TMEM132C: variants seen among roughly 807,000 people sequenced by gnomAD.
TMEM132C encodes transmembrane protein 132C, also known as protein phosphatase 1, regulatory subunit 152.
TMEM132C carries 29 observed loss-of-function variants against 61.4 expected under a neutral mutation model. The observed-to-expected ratio is 0.47, with a 90% CI of 0.35 to 0.64. The LOEUF (loss-of-function observed/expected upper bound fraction) is 0.64, where lower values mean the gene tolerates loss of function less well. TMEM132C is among the 30% of genes least tolerant of loss of function. The probability of loss-of-function intolerance (pLI) is 0.00; values close to 1 mark genes in which losing one functional copy is unlikely to be tolerated. For missense variants in TMEM132C, 1,408 were observed against 1,476.9 expected (o/e 0.95, Z 0.76); for synonymous variants, 656 against 633.1 (o/e 1.04, Z -0.54).
intron 4 of TMEM132C, among the ~76,000 whole-genome samples, chr12:128,644,881 C>T (rs1566000811): frequency 6.6e-6 from 1 of 152,114 alleles, no homozygotes; most frequent in Non-Finnish European, 1.5e-5. Context: ...TTTGCTGGGA[C>T]GCGTTGTGCT....
At chr12:128,603,285 T>C (rs1876269177) in intron 3 of TMEM132C, among the ~76,000 whole-genome samples, 2 of 152,186 alleles carry the variant, frequency 1.3e-5, no homozygotes, top group African/African-American at 4.8e-5. Flanking sequence ...GATGCTCCTC[T>C]TGATGGACAG....
rs544102167 is a variant in TMEM132C at position 128,647,441 on chromosome 12, G to A, written c.1306-21976G>A. ...AGTGTGTTTACTAGCCCCTATCAGC[G>A]TTGGATGTGAGTTTACTAGAGTCCA... On this transcript the variant is annotated intron_variant, in intron 4 of 8. Transcript: ENST00000435159. Among the ~76,000 whole-genome samples the A allele has an allele frequency of 9.9e-5, 15 of 151,730 alleles. No individual in the cohort carries two copies. The South Asian group carries it at 1.5e-3, about 15-fold the overall frequency.
chr12:128,349,783 T>C (rs920305186), intron 1 of TMEM132C, among the ~76,000 whole-genome samples: 2 of 152,168 alleles, frequency 1.3e-5, no homozygotes, highest in South Asian at 2.1e-4. Context: ...ACCTGATCCA[T>C]TGGAAAAAAT....
intron 3 of TMEM132C, among the ~76,000 whole-genome samples, chr12:128,550,424 T>C (rs1313161580): frequency 6.6e-6 from 1 of 151,972 alleles, no homozygotes; most frequent in Non-Finnish European, 1.5e-5. Flanking sequence ...TCTCAAGCGA[T>C]CCGCCAAGTA....
At chr12:128,487,028 T>G (rs955075095) in intron 2 of TMEM132C, among the ~76,000 whole-genome samples, 19 of 152,102 alleles carry the variant, frequency 1.2e-4, no homozygotes, top group African/African-American at 4.6e-4. Context: ...TCTAGAAACT[T>G]ACTAGCTCAG....
chr12:128,673,775 A>G (rs1954557647), intron 5 of TMEM132C, among the ~76,000 whole-genome samples: 2 of 152,226 alleles, frequency 1.3e-5, no homozygotes, highest in African/African-American at 4.8e-5. Flanking sequence ...TTCTTAGTAA[A>G]GTGAGGATAA....
chr12:128,544,158 G>A (rs964032853), intron 3 of TMEM132C, 55 bp downstream of exon 3: 19 of 1,455,178 alleles, frequency 1.3e-5, no homozygotes, highest in East Asian at 2.6e-5. Context: ...GGCCCAGGCC[G>A]GCTGGTGCGT....
chr12:128,615,841 G>A (rs1286431017), intron 3 of TMEM132C, among the ~76,000 whole-genome samples: 1 of 152,204 alleles, frequency 6.6e-6, no homozygotes, highest in Non-Finnish European at 1.5e-5. Context: ...TACTGCAGGT[G>A]TGAGATAAAC....
In TMEM132C at chr12:128,570,126, G is replaced by A. The variant is rs184363200; in HGVS notation, c.1121+26023G>A. Among the ~76,000 whole-genome samples the A allele has an allele frequency of 7.8e-4, 118 of 152,134 alleles. No individual in the cohort carries two copies. Among genetic ancestry groups the A allele is most frequent in the Middle Eastern group, 6.8e-3 (2 of 294 alleles). On this transcript the variant is annotated intron_variant, in intron 3 of 8. Transcript: ENST00000435159. This position sits in a 1 kb window ranked among gnomAD's most constrained non-coding sequence, Gnocchi z 4.7. ...TGAATACAACTGGGGTTATCTTCTC[G>A]TCTTAGGCTCCTTAGCACCAGAGAG...
At chr12:128,679,870 A>T (rs1220834434) in intron 5 of TMEM132C, among the ~76,000 whole-genome samples, 2 of 152,166 alleles carry the variant, frequency 1.3e-5, no homozygotes, top group African/African-American at 4.8e-5. Context: ...CGAGGAGAGG[A>T]TTCACAGGGC....
chr12:128,684,937 C>T (rs1420908343), intron 5 of TMEM132C, among the ~76,000 whole-genome samples: 4 of 152,122 alleles, frequency 2.6e-5, no homozygotes, highest in African/African-American at 4.8e-5. Flanking sequence ...CAGGAGATGC[C>T]AGATGTTCTC....
At chr12:128,412,634 T>A (rs1174749134) in intron 1 of TMEM132C, among the ~76,000 whole-genome samples, 1 of 152,218 alleles carries the variant, frequency 6.6e-6, no homozygotes, top group Non-Finnish European at 1.5e-5. Flanking sequence ...TGCCACCATG[T>A]AAGACATCCC....
At chr12:128,271,404 A>G (rs1870517098) in intron 1 of TMEM132C, among the ~76,000 whole-genome samples, 1 of 152,034 alleles carries the variant, frequency 6.6e-6, no homozygotes, top group South Asian at 2.1e-4. Flanking sequence ...CTGTAACTGT[A>G]TATACATTTT....
intron 2 of TMEM132C, among the ~76,000 whole-genome samples, chr12:128,515,248 A>G (rs1381875882): frequency 1.3e-5 from 2 of 152,226 alleles, no homozygotes; most frequent in Non-Finnish European, 2.9e-5. Flanking sequence ...AGAGAGAGGT[A>G]CACACAGATA....
intron 1 of TMEM132C, among the ~76,000 whole-genome samples, chr12:128,290,942 G>T (rs944243488): frequency 1.3e-5 from 2 of 151,926 alleles, no homozygotes; most frequent in East Asian, 3.9e-4. Context: ...GAATTCTGAT[G>T]TATACATATC....
At chr12:128,380,197 C>T (rs955708933) in intron 1 of TMEM132C, among the ~76,000 whole-genome samples, 3 of 152,240 alleles carry the variant, frequency 2.0e-5, no homozygotes, top group African/African-American at 7.2e-5. Context: ...GATGGTTTGT[C>T]TATTCTGTCT....
chr12:128,423,263 T>C (rs2136028901), intron 2 of TMEM132C, among the ~76,000 whole-genome samples: 1 of 152,288 alleles, frequency 6.6e-6, no homozygotes, highest in Middle Eastern at 3.4e-3. Flanking sequence ...GGTGATGTTC[T>C]TTCCTAGCTG....
chr12:128,605,239 G>A (rs1876380601), intron 3 of TMEM132C, among the ~76,000 whole-genome samples: 1 of 152,144 alleles, frequency 6.6e-6, no homozygotes, highest in South Asian at 2.1e-4. Context: ...ACCCAGGAGA[G>A]CCAGCAAAGT....
chr12:128,371,682 C>T (rs10773530), intron 1 of TMEM132C, among the ~76,000 whole-genome samples: 116,322 of 152,104 alleles, frequency 0.76, 46,315 homozygotes, highest in Non-Finnish European at 0.9. Flanking sequence ...AAGCAATCCT[C>T]CTGTCTCAAC....
Sources: gnomAD v4.1 joint callset for allele counts (sites outside exome capture counted in the v4.1 genomes callset) on GRCh38, gnomAD v4.1.1 for gene constraint, Gnocchi (gnomAD v3.1) non-coding constraint, MANE v1.5 for transcripts, NCBI Gene and HGNC (gene_info 2026-07-23, HGNC 2026-07-21) for gene names.